The following SUGCT variants were observed in gnomAD, a reference collection of about 807,000 sequenced individuals.
SUGCT encodes the protein succinyl-CoA:glutarate-CoA transferase.
Under a neutral mutation model 55.0 loss-of-function variants are expected in SUGCT, and 41 were observed. The observed-to-expected ratio is 0.74, with a 90% CI of 0.58 to 0.97. The LOEUF is 0.97. Among genes scored for constraint, SUGCT ranks in the 50% least tolerant of loss-of-function variants. SUGCT has a pLI of 0.00. For missense variants in SUGCT, 568 were observed against 547.8 expected (o/e 1.04, Z -0.37); for synonymous variants, 187 against 200.4 (o/e 0.93, Z 0.56).
At chr7:40,981,080 T>G in the SUGCT span, among the ~76,000 whole-genome samples, 1 of 152,136 alleles carries the variant, frequency 6.6e-6, no homozygotes, top group Non-Finnish European at 1.5e-5. Context: ...AGCATCTCAT[T>G]TCTTTGGCTC....
At chr7:40,717,883 G>T (rs979321810) in intron 12 of SUGCT, among the ~76,000 whole-genome samples, 1 of 151,854 alleles carries the variant, frequency 6.6e-6, no homozygotes. Flanking sequence ...TTATATTAGA[G>T]GTAGTTACTG....
At chr7:40,919,518 C>A in the SUGCT span, among the ~76,000 whole-genome samples, 2 of 152,208 alleles carry the variant, frequency 1.3e-5, no homozygotes, top group African/African-American at 4.8e-5. Flanking sequence ...GTTGTAACGA[C>A]TGATTGACAG....
chr7:40,378,717 C>A (rs777083816), intron 9 of SUGCT, among the ~76,000 whole-genome samples: 1 of 152,242 alleles, frequency 6.6e-6, no homozygotes, highest in African/African-American at 2.4e-5. Flanking sequence ...AGGTGATCTG[C>A]CTGCCTTGGC....
intron 13 of SUGCT, among the ~76,000 whole-genome samples, chr7:40,810,018 C>G (rs1276047009): frequency 6.6e-6 from 1 of 152,084 alleles, no homozygotes; most frequent in Non-Finnish European, 1.5e-5. Context: ...TTTTCTTGAT[C>G]TAATCCATCT....
chr7:40,303,862 G>A (rs1794686887), intron 8 of SUGCT, among the ~76,000 whole-genome samples: 1 of 152,110 alleles, frequency 6.6e-6, no homozygotes, highest in East Asian at 1.9e-4. Context: ...ATGGGAGGCT[G>A]ACGTGGGTGG....
intron 12 of SUGCT, among the ~76,000 whole-genome samples, chr7:40,625,602 C>T (rs539252330): frequency 6.6e-6 from 1 of 152,216 alleles, no homozygotes; most frequent in Non-Finnish European, 1.5e-5. Flanking sequence ...CCTCCTTGAG[C>T]CTCACCTCTT....
intron 12 of SUGCT, among the ~76,000 whole-genome samples, chr7:40,617,665 T>A (rs1243637901): frequency 6.6e-6 from 1 of 152,198 alleles, no homozygotes; most frequent in Non-Finnish European, 1.5e-5. Context: ...TTAAAATGTC[T>A]TAGAAATTCC....
intron 13 of SUGCT, among the ~76,000 whole-genome samples, chr7:40,854,415 CTTTCCTTT>C (rs1219771442): frequency 2.0e-3 from 134 of 67,350 alleles, no homozygotes; most frequent in African/African-American, 5.3e-3. Flanking sequence ...TTCTTTCTTT[CTTTCCTTT>C]CTTTCTTTCT....
chr7:40,972,734 G>A, the SUGCT span, among the ~76,000 whole-genome samples: 1 of 152,266 alleles, frequency 6.6e-6, no homozygotes, highest in African/African-American at 2.4e-5. Context: ...AAGGTGTGTT[G>A]TAACACAAGA....
intron 13 of SUGCT, among the ~76,000 whole-genome samples, chr7:40,824,764 G>A (rs192501950): frequency 6.6e-6 from 1 of 152,300 alleles, no homozygotes; most frequent in East Asian, 1.9e-4. Flanking sequence ...ATAGTGGAAA[G>A]CAGAAGGGCC....
chr7:40,296,352 T>C (rs1056458745), intron 8 of SUGCT, among the ~76,000 whole-genome samples: 2 of 152,216 alleles, frequency 1.3e-5, no homozygotes, highest in African/African-American at 4.8e-5. Context: ...TGGATGGCAC[T>C]GTGTGCTCTT....
At chr7:40,876,027 G>C in the SUGCT span, among the ~76,000 whole-genome samples, 3 of 152,176 alleles carry the variant, frequency 2.0e-5, no homozygotes, top group Admixed American at 6.6e-5. Flanking sequence ...AAAGAACCTG[G>C]GTTTTGGACA....
intron 9 of SUGCT, among the ~76,000 whole-genome samples, chr7:40,320,337 C>T (rs777863589): frequency 6.6e-6 from 1 of 152,040 alleles, no homozygotes; most frequent in Non-Finnish European, 1.5e-5. Flanking sequence ...AATGCCTGAC[C>T]TCAAGTGATC....
chr7:40,506,560 A>G (rs562784022), intron 12 of SUGCT, among the ~76,000 whole-genome samples: 2 of 152,144 alleles, frequency 1.3e-5, no homozygotes, highest in Non-Finnish European at 2.9e-5. Flanking sequence ...GTTTGAGTTC[A>G]TTGAGGTTCT....
chr7:40,494,043 T>A (rs1283533769), intron 11 of SUGCT, among the ~76,000 whole-genome samples: 1 of 152,162 alleles, frequency 6.6e-6, no homozygotes, highest in Non-Finnish European at 1.5e-5. Flanking sequence ...TTGTTTTCCA[T>A]AACATGAAAT....
chr7:40,728,848 A>G (rs1277124901), intron 12 of SUGCT, among the ~76,000 whole-genome samples: 2 of 152,246 alleles, frequency 1.3e-5, no homozygotes, highest in African/African-American at 2.4e-5. Context: ...TAACAAAACA[A>G]TAACCATAAC....
At chr7:40,858,418 A>AG (rs1189953978) in intron 13 of SUGCT, among the ~76,000 whole-genome samples, 4 of 151,098 alleles carry the variant, frequency 2.6e-5, no homozygotes, top group African/African-American at 9.7e-5. Flanking sequence ...AAAAAAAAAA[A>AG]AAAAAAAAAA....
chr7:40,516,813 C>G (rs1353657624), intron 12 of SUGCT, among the ~76,000 whole-genome samples: 1 of 151,732 alleles, frequency 6.6e-6, no homozygotes, highest in Non-Finnish European at 1.5e-5. Context: ...TTTTCTAGGC[C>G]CCTTCCATTT....
chr7:40,291,257 A>G (rs984239133), intron 8 of SUGCT, among the ~76,000 whole-genome samples: 1 of 152,102 alleles, frequency 6.6e-6, no homozygotes, highest in African/African-American at 2.4e-5. Context: ...AACCAACCCA[A>G]ATGTCCATCA....
Sources: allele counts gnomAD v4.1 joint callset (sites outside exome capture counted in the v4.1 genomes callset), GRCh38; gene constraint gnomAD v4.1.1; transcripts MANE v1.5; gene names NCBI Gene and HGNC (gene_info 2026-07-23, HGNC 2026-07-21).